Variants in BABAM2 observed in about 807,000 individuals in gnomAD.
The protein encoded by BABAM2 is BRISC and BRCA1-A complex member 2.
In BABAM2, 31 loss-of-function variants were observed where a neutral mutation model predicts 54.7. The observed-to-expected ratio is 0.57, with a 90% confidence interval of 0.43 to 0.77. BABAM2 has a LOEUF of 0.77. Ranked by LOEUF, BABAM2 falls within the 30% of genes least tolerant of loss-of-function variation. The pLI is 0.00. For synonymous variants in BABAM2, 167 were observed against 162.9 expected (o/e 1.03, Z -0.19); for missense variants, 364 against 455.8 (o/e 0.80, Z 1.83).
At chr2:28,206,576 A>G (rs1189676955) in intron 7 of BABAM2, among the ~76,000 whole-genome samples, 1 of 152,110 alleles carries the variant, frequency 6.6e-6, no homozygotes, top group Non-Finnish European at 1.5e-5. Flanking sequence ...AAACCCCACC[A>G]GTGCTCCACT....
intron 10 of BABAM2, among the ~76,000 whole-genome samples, chr2:28,287,115 G>T (rs1686889393): frequency 6.6e-6 from 1 of 152,078 alleles, no homozygotes; most frequent in Non-Finnish European, 1.5e-5. Flanking sequence ...CACCTCATTT[G>T]TCCTTTTTCT....
intron 6 of BABAM2, among the ~76,000 whole-genome samples, chr2:28,102,721 C>A (rs903506250): frequency 2.0e-5 from 3 of 152,274 alleles, no homozygotes. Flanking sequence ...ACCACTGTTC[C>A]TTGTGCATTA....
intron 7 of BABAM2, among the ~76,000 whole-genome samples, chr2:28,132,808 A>T (rs986892380): frequency 6.6e-6 from 1 of 152,190 alleles, no homozygotes; most frequent in Non-Finnish European, 1.5e-5. Context: ...TTAATTGGTG[A>T]TAAGGATTTT....
At chr2:28,037,152 TC>T (rs1263721037) in intron 5 of BABAM2, among the ~76,000 whole-genome samples, 1 of 152,170 alleles carries the variant, frequency 6.6e-6, no homozygotes, top group African/African-American at 2.4e-5. Context: ...GTGAAAAGTC[TC>T]CCTCCCATCT....
chr2:27,917,789 T>C (rs971311147), intron 2 of BABAM2, among the ~76,000 whole-genome samples: 4 of 152,034 alleles, frequency 2.6e-5, no homozygotes, highest in African/African-American at 2.4e-5. Context: ...ATACATAAAA[T>C]ATAAGCTAAA....
intron 6 of BABAM2, among the ~76,000 whole-genome samples, chr2:28,085,792 T>C (rs1362147895): frequency 6.6e-6 from 1 of 152,154 alleles, no homozygotes; most frequent in Non-Finnish European, 1.5e-5. Context: ...ACCAAAGCAT[T>C]TTAATATATG....
At chr2:28,106,393 A>G (rs1341002357) in intron 6 of BABAM2, among the ~76,000 whole-genome samples, 1 of 152,172 alleles carries the variant, frequency 6.6e-6, no homozygotes, top group Non-Finnish European at 1.5e-5. Context: ...GGCATGACCT[A>G]CCATGCCTGG....
intron 4 of BABAM2, among the ~76,000 whole-genome samples, chr2:28,002,944 A>C (rs569601713): frequency 1.3e-5 from 2 of 152,220 alleles, no homozygotes; most frequent in African/African-American, 2.4e-5. Context: ...AGATGCGGAA[A>C]GGAGTAAACG....
chr2:28,004,391 A>G (rs1673803553), intron 4 of BABAM2, among the ~76,000 whole-genome samples: 1 of 152,204 alleles, frequency 6.6e-6, no homozygotes, highest in Admixed American at 6.5e-5. Context: ...AGTAGGTAGG[A>G]TTACAAAAAT....
At chr2:28,142,938 A>G (rs984837280) in intron 7 of BABAM2, among the ~76,000 whole-genome samples, 1 of 151,746 alleles carries the variant, frequency 6.6e-6, no homozygotes, top group Non-Finnish European at 1.5e-5. Context: ...GTAGATAGAT[A>G]TTTTGGTGAT....
chr2:28,025,277 A>G lies in BABAM2; in HGVS notation c.352A>G (p.Lys118Glu). 1 of 1,609,854 alleles carries G rather than the reference A, an allele frequency of 6.2e-7. No individual in the cohort carries two copies. Reference protein sequence around the residue: ...SNPECLLLVVKELVQQYHQFQ... With the variant: ...SNPECLLLVVEELVQQYHQFQ... ...TCCTGAATGTCTCTTACTTGTGGTG[A>G]AGGAACTTGTGCAACAATATCACCA... is the stretch of plus-strand genomic sequence containing the variant. The change falls in exon 5 of 12, where the codon AAG becomes GAG. Residue 118 changes from lysine (K) to glutamate (E), a missense_variant. Lys to Glu is a moderately conservative substitution (Grantham distance 56). Coordinates refer to ENST00000379624, the MANE Select transcript of BABAM2 (RefSeq NM_199191.3).
chr2:28,076,072 T>G (rs1428278995), intron 6 of BABAM2, among the ~76,000 whole-genome samples: 6 of 152,064 alleles, frequency 3.9e-5, no homozygotes. Flanking sequence ...GAGAGCAGCC[T>G]GTGCAACATA....
chr2:27,988,798 CTT>C (rs1251328889), intron 4 of BABAM2, among the ~76,000 whole-genome samples: 2 of 152,050 alleles, frequency 1.3e-5, no homozygotes, highest in African/African-American at 2.4e-5. Flanking sequence ...CAAAATGTCT[CTT>C]TTTATTTCTT....
chr2:28,052,192 TGAA>T (rs2148622991), intron 6 of BABAM2, among the ~76,000 whole-genome samples: 1 of 152,010 alleles, frequency 6.6e-6, no homozygotes, highest in East Asian at 1.9e-4. Flanking sequence ...GATGGAAACT[TGAA>T]GAACTGAAAT....
intron 11 of BABAM2, among the ~76,000 whole-genome samples, chr2:28,303,750 G>A (rs1382792516): frequency 6.6e-6 from 1 of 151,982 alleles, no homozygotes; most frequent in East Asian, 1.9e-4. Context: ...AACAAGGGAA[G>A]AATTGACATT....
At chr2:27,912,929 A>G (rs1666713750) in intron 2 of BABAM2, among the ~76,000 whole-genome samples, 1 of 152,212 alleles carries the variant, frequency 6.6e-6, no homozygotes, top group Non-Finnish European at 1.5e-5. Flanking sequence ...ACACTTGGAA[A>G]GAAATAAATT....
chr2:27,996,994 A>G (rs1249223331), intron 4 of BABAM2, among the ~76,000 whole-genome samples: 1 of 152,194 alleles, frequency 6.6e-6, no homozygotes, highest in Non-Finnish European at 1.5e-5. Flanking sequence ...TAATTTTAAA[A>G]TTTACTTTCA....
chr2:28,181,188 T>C (rs1055866698), intron 7 of BABAM2, among the ~76,000 whole-genome samples: 6 of 152,118 alleles, frequency 3.9e-5, no homozygotes, highest in Non-Finnish European at 8.8e-5. Context: ...GAAAAAACAA[T>C]TGCAGTACTA....
At chr2:28,176,730 A>T (rs1042010847) in intron 7 of BABAM2, among the ~76,000 whole-genome samples, 1 of 151,398 alleles carries the variant, frequency 6.6e-6, no homozygotes, top group Non-Finnish European at 1.5e-5. Context: ...GAAACTGAAG[A>T]ATTCAATGAA....
Sources: gnomAD v4.1 joint callset for allele counts (sites outside exome capture counted in the v4.1 genomes callset) on GRCh38, gnomAD v4.1.1 for gene constraint, MANE v1.5 for transcripts, NCBI Gene and HGNC (gene_info 2026-07-23, HGNC 2026-07-21) for gene names.